Variants in CCDC77 observed in about 807,000 individuals in gnomAD.
The protein encoded by CCDC77 is coiled-coil domain-containing protein 77.
CCDC77 carries 56 observed loss-of-function variants against 66.8 expected under a neutral mutation model. That is an observed-to-expected ratio of 0.84 (90% confidence interval 0.68 to 1.05). CCDC77 has a LOEUF of 1.05. Among genes scored for constraint, CCDC77 ranks in the 50% least tolerant of loss-of-function variants. The pLI, the probability that CCDC77 is intolerant of heterozygous loss-of-function variation, is 0.00. For missense variants in CCDC77, 570 were observed against 576.8 expected, an observed-to-expected ratio of 0.99 and a Z score of 0.12; for synonymous variants, 196 against 195.2, an observed-to-expected ratio of 1.00 and a Z score of -0.03.
At position 418,628 on chromosome 12, in the gene CCDC77, G is replaced by T. The variant is rs1945332408; in HGVS notation, c.405G>T (p.Leu135=). 3.1e-6 allele frequency: 5 copies of T among 1,613,490 alleles called. No individual in the cohort carries two copies. The highest frequency in any genetic ancestry group is 4.2e-6 in the Non-Finnish European group (5 of 1,179,830). The change falls in exon 5 of 13, where the codon CTG becomes CTT. Residue 135 remains leucine (L), a synonymous_variant. Coordinates refer to ENST00000239830, the MANE Select transcript of CCDC77 (RefSeq NM_032358.4). ...GCCTCTACTCAGAAAATGACCGACT[G>T]AGAATCAGGTACCAAATAGGAGAAG... ...VLRLYSENDR[L]RIRELEDKKK...
chr12:441,847 A>G lies in CCDC77; in HGVS notation c.1394A>G (p.His465Arg). 6.2e-7 allele frequency: 1 copy of G among 1,613,764 alleles called. No homozygotes were observed. Among genetic ancestry groups the G allele is most frequent in the Non-Finnish European group, 8.5e-7 (1 of 1,179,998 alleles). The part of the protein sequence containing the change: ...CEVRDSNRRA[H>R]KIQGELKNLK... ...GTCCGTGACAGCAATAGACGGGCAC[A>G]TAAGATACAAGGAGAACTGAAGAAT... Residue 465 changes from histidine to arginine, a missense_variant, in exon 13 of 13, where the codon CAT (histidine) becomes CGT (arginine). His to Arg is a conservative substitution (Grantham distance 29). Transcript: ENST00000239830.
At chr12:400,380 G>A (rs1944879812), upstream of CCDC77, among the ~76,000 whole-genome samples, 1 of 152,186 alleles carries the variant, frequency 6.6e-6, no homozygotes, top group Non-Finnish European at 1.5e-5. Context: ...TCCTTTGCAT[G>A]CACAACTTGG....
intron 3 of CCDC77, 64 bp downstream of exon 3, chr12:409,485 A>G: frequency 2.8e-6 from 4 of 1,408,750 alleles, no homozygotes; most frequent in East Asian, 2.3e-5. Context: ...TAGTCTAAGC[A>G]TAGGAACTGG....
intron 6 of CCDC77, 130 bp from the exon 7 acceptor site, chr12:430,534 G>T: frequency 1.4e-6 from 1 of 725,754 alleles, no homozygotes. Context: ...TCATGTGCAT[G>T]ACATCCTTAT....
At chr12:424,031 C>T (rs368467584) in intron 5 of CCDC77, among the ~76,000 whole-genome samples, 1 of 152,126 alleles carries the variant, frequency 6.6e-6, no homozygotes, top group Non-Finnish European at 1.5e-5. Context: ...CAGGCAGTGG[C>T]GTGATCACGG....
intron 4 of CCDC77, among the ~76,000 whole-genome samples, chr12:416,349 G>A (rs1221664466): frequency 3.4e-4 from 9 of 26,244 alleles, no homozygotes; most frequent in African/African-American, 1.2e-3. Context: ...GTGGGGGTGT[G>A]TGTGTGTGTG....
At chr12:439,576 C>T (rs1591996464) in intron 10 of CCDC77, among the ~76,000 whole-genome samples, 1 of 149,972 alleles carries the variant, frequency 6.7e-6, no homozygotes, top group Non-Finnish European at 1.5e-5. Flanking sequence ...GTCAGGAGTT[C>T]GAGAGCAGCC....
intron 5 of CCDC77, among the ~76,000 whole-genome samples, chr12:425,117 GAC>G (rs1945502749): frequency 6.6e-6 from 1 of 151,296 alleles, no homozygotes; most frequent in African/African-American, 2.4e-5. Context: ...TTTTTGTAGA[GAC>G]AGGGTTTTTC....
intron 1 of CCDC77, chr12:389,523 T>C: frequency 9.8e-6 from 1 of 101,672 alleles, no homozygotes; most frequent in Non-Finnish European, 2.0e-5. Flanking sequence ...TCTTCTTTAC[T>C]AGAGGTACGG....
intron 5 of CCDC77, 177 bp downstream of exon 5, chr12:418,813 C>G: frequency 1.6e-6 from 1 of 616,432 alleles, no homozygotes; most frequent in South Asian, 1.9e-5. Context: ...ATTCTCATGC[C>G]TCAGCCTCTC....
chr12:409,042 A>G (rs1351171267), intron 2 of CCDC77, among the ~76,000 whole-genome samples: 1 of 152,042 alleles, frequency 6.6e-6, no homozygotes, highest in African/African-American at 2.4e-5. Context: ...TGTCTCTACT[A>G]AAAATAACAA....
chr12:412,423 C>T (rs1455181846), intron 4 of CCDC77, among the ~76,000 whole-genome samples: 1 of 152,244 alleles, frequency 6.6e-6, no homozygotes, highest in East Asian at 1.9e-4. Context: ...TGAGCTGTGG[C>T]ATCATCCAGT....
chr12:440,948 T>A lies in CCDC77; in HGVS notation c.1272T>A (p.Ile424=). The change falls in exon 12 of 13, where the codon ATT becomes ATA. Residue 424 remains isoleucine (I), a synonymous_variant. Coordinates refer to ENST00000239830, the MANE Select transcript of CCDC77 (RefSeq NM_032358.4). ...AAGTAGAAGGCTTTAAGACAGATATTAAAGTTCTCCGACAGAAACTGAAAG... is the reference window on the plus strand; with the variant it reads ...AAGTAGAAGGCTTTAAGACAGATATAAAAGTTCTCCGACAGAAACTGAAAG... ...ILEVEGFKTD[I]KVLRQKLKDL... 6.2e-7 allele frequency: 1 copy of A among 1,613,378 alleles called. No homozygotes were observed. The highest frequency in any genetic ancestry group is 8.5e-7 in the Non-Finnish European group (1 of 1,180,026).
intron 1 of CCDC77, among the ~76,000 whole-genome samples, chr12:404,033 G>A (rs1944946160): frequency 1.3e-5 from 2 of 152,182 alleles, no homozygotes; most frequent in African/African-American, 4.8e-5. Context: ...AGGGTAGTTG[G>A]CACTACCAGG....
chr12:423,479 GT>G (rs1289177296), intron 5 of CCDC77, among the ~76,000 whole-genome samples: 1 of 21,232 alleles, frequency 4.7e-5, no homozygotes, highest in Non-Finnish European at 9.8e-5. Context: ...TGTTTTTTGT[GT>G]TTTTTTTTGT....
chr12:423,209 C>T (rs528143725), intron 5 of CCDC77, among the ~76,000 whole-genome samples: 111 of 133,050 alleles, frequency 8.3e-4, no homozygotes, highest in African/African-American at 2.9e-3. Flanking sequence ...CAGCCTTTAC[C>T]TACCTCCTAG....
intron 9 of CCDC77, among the ~76,000 whole-genome samples, chr12:435,524 G>T (rs998985209): frequency 6.6e-6 from 1 of 152,216 alleles, no homozygotes; most frequent in Non-Finnish European, 1.5e-5. Context: ...GATATAGGCA[G>T]TTCTACATGG....
upstream of CCDC77, among the ~76,000 whole-genome samples, chr12:396,681 G>A (rs143320727): frequency 3.3e-5 from 5 of 152,166 alleles, no homozygotes; most frequent in Non-Finnish European, 7.3e-5. Context: ...GCTCTCGTAA[G>A]AATTTTGAGT....
chr12:416,385 A>G (rs1294137558), intron 4 of CCDC77, among the ~76,000 whole-genome samples: 19 of 32,160 alleles, frequency 5.9e-4, no homozygotes, highest in African/African-American at 2.3e-3. Flanking sequence ...GTGTATATAT[A>G]TATATATATA....
Sources: allele counts gnomAD v4.1 joint callset (sites outside exome capture counted in the v4.1 genomes callset), GRCh38; gene constraint gnomAD v4.1.1; transcripts MANE v1.5; gene names NCBI Gene and HGNC (gene_info 2026-07-23, HGNC 2026-07-21).